VWF: variants seen among roughly 807,000 people sequenced by gnomAD.
VWF encodes the protein Factor VIII related antigen.
VWF carries 176 observed loss-of-function variants against 308.6 expected under a neutral mutation model. The observed-to-expected ratio is 0.57, with a 90% CI of 0.50 to 0.65. VWF has a LOEUF of 0.65. VWF is among the 30% of genes least tolerant of loss of function. The probability of loss-of-function intolerance (pLI) is 0.00; values close to 1 mark genes in which losing one functional copy is unlikely to be tolerated. For synonymous variants in VWF, 1,385 were observed against 1,443.4 expected (o/e 0.96, Z 0.92); for missense variants, 3,146 against 3,648.2 (o/e 0.86, Z 3.55).
intron 5 of VWF, among the ~76,000 whole-genome samples, chr12:6,110,139 T>C (rs902127246): frequency 3.3e-5 from 5 of 152,178 alleles, no homozygotes; most frequent in Admixed American, 1.3e-4. Context: ...CACGTGCAAG[T>C]TGCTACAGAG....
chr12:5,965,660 A>G (rs1308612855), intron 47 of VWF, among the ~76,000 whole-genome samples: 1 of 152,200 alleles, frequency 6.6e-6, no homozygotes, highest in Non-Finnish European at 1.5e-5. Flanking sequence ...CTCGGGCAAC[A>G]CTGGCACTTC....
chr12:6,102,454 A>G (rs987105834), intron 5 of VWF, among the ~76,000 whole-genome samples: 1 of 148,610 alleles, frequency 6.7e-6, no homozygotes, highest in Non-Finnish European at 1.5e-5. Context: ...AAACAAAAAC[A>G]GGCAGAGCAC....
Position 5,980,594 on chromosome 12 carries a change from T to A in VWF, c.7287+1192A>T, listed in dbSNP as rs1013113155. Reference sequence around the variant, plus strand: ...TAGAAAAACAGCAAGGCAGGAGGGGTGGGCAGGAAGACGAGAAGGAGAACA... The same window carrying A: ...TAGAAAAACAGCAAGGCAGGAGGGGAGGGCAGGAAGACGAGAAGGAGAACA... On this transcript the variant is annotated intron_variant, in intron 42 of 51. Coordinates refer to ENST00000261405, the MANE Select transcript of VWF (RefSeq NM_000552.5). Among the ~76,000 whole-genome samples, 7 of 151,874 alleles carry A rather than the reference T, an allele frequency of 4.6e-5. No homozygotes were observed. The East Asian group carries it at 7.7e-4, about 17-fold the overall frequency.
chr12:6,109,255 G>A (rs533115342), intron 5 of VWF, among the ~76,000 whole-genome samples: 6 of 147,872 alleles, frequency 4.1e-5, no homozygotes, highest in African/African-American at 1.3e-4. Context: ...ACACACACAC[G>A]TGTATATATA....
At chr12:6,115,782 C>T (rs1945357710) in intron 3 of VWF, among the ~76,000 whole-genome samples, 1 of 152,210 alleles carries the variant, frequency 6.6e-6, no homozygotes, top group Admixed American at 6.5e-5. Context: ...TCTCTACCCA[C>T]TAGATGCCAG....
intron 6 of VWF, among the ~76,000 whole-genome samples, chr12:6,076,552 T>C (rs758957260): frequency 7.2e-5 from 11 of 152,206 alleles, no homozygotes; most frequent in African/African-American, 1.2e-4. Flanking sequence ...ACTTCTTGGA[T>C]GCATAATGCA....
At position 6,019,018 on chromosome 12, in the gene VWF, G is replaced by A; in HGVS notation, c.4400C>T (p.Pro1467Leu). 6.2e-7 allele frequency: 1 copy of A among 1,613,970 alleles called. No individual in the cohort carries two copies. The part of the protein sequence containing the change: ...LCDLAPEAPP[P>L]TLPPDMAQVT... Reference sequence around the variant, plus strand: ...TTGTGCCATGTCGGGGGGCAGAGTAGGAGGAGGGGCTTCAGGGGCAAGGTC... The same window carrying A: ...TTGTGCCATGTCGGGGGGCAGAGTAAGAGGAGGGGCTTCAGGGGCAAGGTC... Residue 1467 changes from proline (P) to leucine (L), a missense_variant, in exon 28 of 52, where the codon CCT (proline) becomes CTT (leucine). Physicochemically the swap from Pro to Leu is moderately conservative, Grantham distance 98 (BLOSUM62 -3). This residue lies in a region of VWF where 853 missense variants were observed against 1,177.8 expected (regional missense o/e 0.72). Transcript: ENST00000261405. The surrounding 1 kb of genome is among the most constrained non-coding windows in gnomAD (Gnocchi z 5.8).
rs78353028 is a variant in VWF at position 5,952,509 on chromosome 12, G to A, written c.7997C>T (p.Thr2666Met). 3.8e-3 allele frequency: 6,111 copies of A among 1,613,814 alleles called. 191 individuals carry two copies. In the African/African-American group the frequency reaches 0.07, roughly 18 times the overall value. Residue 2666 changes from threonine (T) to methionine (M), a missense_variant, in exon 49 of 52, where the codon ACG (threonine) becomes ATG (methionine). Transcript: ENST00000261405. The part of the protein sequence containing the change: ...GQIMTLKRDE[T>M]LQDGCDTHFC... ...GTGAGTATCACAGCCATCCTGGAGC[G>A]TCTCATCACGCTGGAAGGAAAGAGG...
intron 35 of VWF, among the ~76,000 whole-genome samples, chr12:5,995,462 T>C (rs1224064840): frequency 6.6e-6 from 1 of 152,200 alleles, no homozygotes; most frequent in Non-Finnish European, 1.5e-5. Context: ...TTTCACACAA[T>C]GAAATATTTA....
rs368114788 is a variant in VWF at position 5,964,990 on chromosome 12, G to A, written c.7887+2496C>T. Among the ~76,000 whole-genome samples the A allele has an allele frequency of 4.5e-4, 69 of 152,308 alleles. 2 individuals are homozygous for A. The South Asian group carries it at 0.013, about 28-fold the overall frequency. Reference sequence around the variant, plus strand: ...CTGCTCTGCAGCATGTCTCCTACCCGGCAGGGCCAGACCACAGCTGCACAC... The same window carrying A: ...CTGCTCTGCAGCATGTCTCCTACCCAGCAGGGCCAGACCACAGCTGCACAC... On this transcript the variant is annotated intron_variant, in intron 47 of 51. Transcript: ENST00000261405.
intron 35 of VWF, 71 bp downstream of exon 35, chr12:5,995,931 T>A: frequency 6.9e-7 from 1 of 1,449,172 alleles, no homozygotes; most frequent in Non-Finnish European, 9.5e-7. Context: ...TAAAAGCAAC[T>A]GCCACCAGGT....
intron 5 of VWF, among the ~76,000 whole-genome samples, chr12:6,102,751 A>G (rs977894760): frequency 6.6e-6 from 1 of 152,110 alleles, no homozygotes; most frequent in African/African-American, 2.4e-5. Flanking sequence ...AAAAAAAATT[A>G]AAAATAGAAT....
chr12:5,952,075 A>T (rs1943197763), intron 49 of VWF, among the ~76,000 whole-genome samples, 192 bp from the exon 50 acceptor site: 1 of 152,204 alleles, frequency 6.6e-6, no homozygotes, highest in South Asian at 2.1e-4. Flanking sequence ...AATTTTGATG[A>T]TTCTGAATTC....
chr12:6,031,655 A>C, intron 20 of VWF, 77 bp from the exon 21 acceptor site: 2 of 1,609,170 alleles, frequency 1.2e-6, no homozygotes, highest in Non-Finnish European at 1.7e-6. Flanking sequence ...GCATCTCTTC[A>C]TCACAGGCCT....
intron 18 of VWF, among the ~76,000 whole-genome samples, chr12:6,037,366 A>G (rs1944348273): frequency 1.3e-5 from 2 of 152,178 alleles, no homozygotes; most frequent in African/African-American, 4.8e-5. Context: ...AATCGATCAG[A>G]ACTAGAGTCT....
chr12:5,953,967 G>A (rs1423822759), intron 47 of VWF: 3 of 239,928 alleles, frequency 1.3e-5, no homozygotes, highest in African/African-American at 2.3e-5. Context: ...TCCCTATTTT[G>A]GTAAGTGGCG....
intron 16 of VWF, among the ~76,000 whole-genome samples, chr12:6,047,146 C>T (rs933460567): frequency 1.3e-5 from 2 of 152,162 alleles, no homozygotes; most frequent in East Asian, 3.8e-4. Flanking sequence ...TTTCATGTGC[C>T]CCCACTGCCT....
intron 10 of VWF, 94 bp downstream of exon 10, chr12:6,071,203 G>T: frequency 6.7e-7 from 1 of 1,488,990 alleles, no homozygotes; most frequent in Non-Finnish European, 9.3e-7. Flanking sequence ...ACTTCTCGCT[G>T]CCTTGAGTTG....
intron 42 of VWF, among the ~76,000 whole-genome samples, chr12:5,980,362 T>C (rs539924868): frequency 6.6e-6 from 1 of 152,184 alleles, no homozygotes; most frequent in East Asian, 1.9e-4. Context: ...TGACCTTGAA[T>C]GTAATGAATC....
Sources: allele counts gnomAD v4.1 joint callset (sites outside exome capture counted in the v4.1 genomes callset), GRCh38; gene constraint gnomAD v4.1.1; regional missense constraint gnomAD v4.1.1; non-coding constraint Gnocchi (gnomAD v3.1); transcripts MANE v1.5; gene names NCBI Gene and HGNC (gene_info 2026-07-23, HGNC 2026-07-21).